Variants in GAS7 observed in about 807,000 individuals in gnomAD.
GAS7 encodes growth arrest specific 7, also known as growth arrest-specific protein 7.
A neutral mutation model predicts 71.1 loss-of-function variants in GAS7; 28 were observed. The ratio of observed to expected loss-of-function variants is 0.39; its 90% CI spans 0.29 to 0.54. The LOEUF (loss-of-function observed/expected upper bound fraction) is 0.54. Among genes scored for constraint, GAS7 ranks in the 20% least tolerant of loss-of-function variants. The pLI, the probability that GAS7 is intolerant of heterozygous loss-of-function variation, is 0.62. For synonymous variants in GAS7, 258 were observed against 245.8 expected, an observed-to-expected ratio of 1.05 and a Z score of -0.46; for missense variants, 436 against 627.8, an observed-to-expected ratio of 0.69 and a Z score of 3.27.
At chr17:10,090,451 G>T (rs574958356) in intron 1 of GAS7, among the ~76,000 whole-genome samples, 1 of 152,158 alleles carries the variant, frequency 6.6e-6, no homozygotes, top group Admixed American at 6.6e-5. Context: ...TTCAGAATTA[G>T]TAAGAACAGA....
intron 1 of GAS7, among the ~76,000 whole-genome samples, chr17:10,131,478 C>A (rs990865406): frequency 2.6e-4 from 40 of 152,158 alleles, no homozygotes; most frequent in Non-Finnish European, 5.6e-4. Flanking sequence ...CAAAAATTAG[C>A]CAGGCGTGTG....
rs1442549363 is a variant in GAS7, at chr17:9,914,492, C to G, written c.*2736G>C. On this transcript the variant is annotated 3_prime_UTR_variant, in exon 14 of 14. Transcript: ENST00000432992. The stretch of plus-strand genomic sequence containing the variant: ...CTGCCCACCTCGGCCTCCCAAAGAG[C>G]TGGGATTACAGGCGTGAGCCACCGT... The G allele has an allele frequency of 5.5e-6, 1 of 182,738 alleles. No homozygotes were observed. The highest frequency in any genetic ancestry group is 8.9e-5 in the East Asian group (1 of 11,200). The allele number at this position is 182,738 out of a possible 1,614,324, so 11.3% of individuals were successfully genotyped here. A position where few individuals can be genotyped will look rare whatever the true frequency, so the allele number is the denominator to read the frequency against.
Position 9,937,638 on chromosome 17 carries a change from A to G in GAS7, c.806+2488T>C, listed in dbSNP as rs541594364. Among the ~76,000 whole-genome samples, 15 of 152,352 alleles carry G rather than the reference A, an allele frequency of 9.8e-5. 1 individual carries two copies. The South Asian group carries it at 3.1e-3, about 32-fold the overall frequency. On this transcript the variant is annotated intron_variant, in intron 8 of 13. Transcript: ENST00000432992. Reference sequence around the variant, plus strand: ...AGGAGGCCGCCTGGCTGCACAGCCAACCCATGTGGAGGGCTTAATCAAAGC... The same window carrying G: ...AGGAGGCCGCCTGGCTGCACAGCCAGCCCATGTGGAGGGCTTAATCAAAGC...
At chr17:9,942,050 CGA>C (rs1357819943) in intron 7 of GAS7, among the ~76,000 whole-genome samples, 5 of 152,072 alleles carry the variant, frequency 3.3e-5, no homozygotes, top group African/African-American at 1.2e-4. Context: ...GTCAGGAGTT[CGA>C]GACCAGCCTG....
chr17:10,069,415 T>C (rs546383121), intron 1 of GAS7, among the ~76,000 whole-genome samples: 6 of 152,342 alleles, frequency 3.9e-5, no homozygotes, highest in African/African-American at 1.4e-4. Flanking sequence ...TCCTTGCTAG[T>C]CCAGGAACAC....
At chr17:10,115,216 G>A (rs1421472830) in intron 1 of GAS7, among the ~76,000 whole-genome samples, 2 of 152,252 alleles carry the variant, frequency 1.3e-5, no homozygotes, top group East Asian at 1.9e-4. Context: ...TTCTCTGAGC[G>A]AGAGCCTGGG....
At chr17:10,164,633 G>C (rs2074279555) in intron 1 of GAS7, among the ~76,000 whole-genome samples, 1 of 151,150 alleles carries the variant, frequency 6.6e-6, no homozygotes. Context: ...CCTGTGAATA[G>C]CCGCTGCACT....
At chr17:9,966,246 C>T (rs1239604524) in intron 4 of GAS7, among the ~76,000 whole-genome samples, 1 of 151,958 alleles carries the variant, frequency 6.6e-6, no homozygotes, top group African/African-American at 2.4e-5. Context: ...GATCTGCCTG[C>T]CTCGGCCTCC....
intron 2 of GAS7, among the ~76,000 whole-genome samples, chr17:9,993,465 G>A (rs1163545496): frequency 6.6e-6 from 1 of 152,154 alleles, no homozygotes; most frequent in Non-Finnish European, 1.5e-5. Flanking sequence ...AAAGGCCTTT[G>A]ACAAAATTCA....
At chr17:10,136,124 C>T (rs1302641575) in intron 1 of GAS7, among the ~76,000 whole-genome samples, 2 of 152,180 alleles carry the variant, frequency 1.3e-5, no homozygotes, top group African/African-American at 2.4e-5. Flanking sequence ...CACAATGTCC[C>T]CATGGCGAAG....
At chr17:10,024,872 C>A (rs764028354) in intron 1 of GAS7, among the ~76,000 whole-genome samples, 2 of 152,138 alleles carry the variant, frequency 1.3e-5, no homozygotes, top group Non-Finnish European at 2.9e-5. Context: ...AGAAAGGACT[C>A]GAGAAATATC....
intron 3 of GAS7, among the ~76,000 whole-genome samples, chr17:9,972,302 A>C (rs7216708): frequency 6.6e-6 from 1 of 152,032 alleles, no homozygotes; most frequent in Non-Finnish European, 1.5e-5. Context: ...GAGGGGGCCA[A>C]GGAGAATCCA....
At chr17:9,950,787 T>C (rs921835814) in intron 5 of GAS7, among the ~76,000 whole-genome samples, 3 of 147,658 alleles carry the variant, frequency 2.0e-5, no homozygotes, top group Non-Finnish European at 4.5e-5. Flanking sequence ...ACCCGGGAGG[T>C]GGAGGTTGCA....
intron 1 of GAS7, among the ~76,000 whole-genome samples, chr17:10,135,208 G>A (rs2074029112): frequency 6.6e-6 from 1 of 151,956 alleles, no homozygotes; most frequent in South Asian, 2.1e-4. Context: ...GTAATTCTGG[G>A]GTCCTCAGTC....
chr17:10,196,298 TATTCA>T (rs2074540070), intron 1 of GAS7, among the ~76,000 whole-genome samples: 1 of 152,206 alleles, frequency 6.6e-6, no homozygotes, highest in Non-Finnish European at 1.5e-5. Context: ...GCCTCTCTCA[TATTCA>T]GCTTGCTTGT....
At chr17:9,997,805 G>A (rs774782090) in intron 2 of GAS7, among the ~76,000 whole-genome samples, 2 of 152,224 alleles carry the variant, frequency 1.3e-5, no homozygotes, top group Non-Finnish European at 2.9e-5. Context: ...TCACGGAAAC[G>A]CTTTACTAAC....
At position 9,933,568 on chromosome 17, in the gene GAS7, T is replaced by G. The variant is rs150043344; in HGVS notation, c.885+598A>C. 1.9e-3 allele frequency among the ~76,000 whole-genome samples: 288 copies of G among 152,268 alleles called. 1 individual carries two copies. The highest frequency in any genetic ancestry group is 6.4e-3 in the African/African-American group (264 of 41,548). On this transcript the variant is annotated intron_variant, in intron 9 of 13. Coordinates refer to ENST00000432992, the MANE Select transcript of GAS7 (RefSeq NM_201433.2). ...TTAAAAACGAAGGTAATAGGCCAGG[T>G]ATAGTGGCTCATGTCTGTGATCCCA...
At chr17:10,183,118 G>A (rs1023907188) in intron 1 of GAS7, among the ~76,000 whole-genome samples, 7 of 151,500 alleles carry the variant, frequency 4.6e-5, no homozygotes, top group South Asian at 2.1e-4. Context: ...CCTACGCCCC[G>A]AAAACCCTCA....
chr17:10,115,289 G>A (rs1029293605), intron 1 of GAS7, among the ~76,000 whole-genome samples: 3 of 152,238 alleles, frequency 2.0e-5, no homozygotes, highest in African/African-American at 4.8e-5. Flanking sequence ...ACGGAAGGAG[G>A]GAGGGGAGCC....
Sources: allele counts gnomAD v4.1 joint callset (sites outside exome capture counted in the v4.1 genomes callset), GRCh38; gene constraint gnomAD v4.1.1; transcripts MANE v1.5; gene names NCBI Gene and HGNC (gene_info 2026-07-23, HGNC 2026-07-21).